The following HELZ variants were observed in gnomAD, a reference collection of about 807,000 sequenced individuals.
The protein encoded by HELZ is ATP-dependent RNA helicase with zinc finger domain.
A neutral mutation model predicts 218.2 loss-of-function variants in HELZ; 23 were observed. The ratio of observed to expected loss-of-function variants is 0.11; its 90% CI spans 0.08 to 0.15. The LOEUF is 0.15. Ranked by LOEUF, HELZ falls within the 10% of genes least tolerant of loss-of-function variation. HELZ has a pLI of 1.00. For missense variants in HELZ, 1,813 were observed against 2,353.7 expected, an observed-to-expected ratio of 0.77 and a Z score of 4.75; for synonymous variants, 814 against 829.4, an observed-to-expected ratio of 0.98 and a Z score of 0.32.
At chr17:67,218,086 T>C (rs35151696) in intron 4 of HELZ, among the ~76,000 whole-genome samples, 41,893 of 151,770 alleles carry the variant, frequency 0.28, 7,355 homozygotes, top group East Asian at 0.68. Flanking sequence ...AGGCACGCGC[T>C]ACCACGCCTG....
At chr17:67,161,661 CAAAAT>C (rs2144116701) in intron 15 of HELZ, among the ~76,000 whole-genome samples, 1 of 152,210 alleles carries the variant, frequency 6.6e-6, no homozygotes, top group Non-Finnish European at 1.5e-5. Context: ...AAAAGCCAAA[CAAAAT>C]AAAATGTTTT....
chr17:67,236,006 C>T (rs538914459), intron 3 of HELZ, among the ~76,000 whole-genome samples: 99 of 152,128 alleles, frequency 6.5e-4, no homozygotes, highest in Non-Finnish European at 1.2e-3. Context: ...CTGATCCGCC[C>T]GCCTTGGCCT....
intron 32 of HELZ, among the ~76,000 whole-genome samples, chr17:67,085,108 AAAAC>A (rs1006166074): frequency 6.6e-5 from 10 of 152,154 alleles, no homozygotes; most frequent in East Asian, 1.9e-4. Context: ...CTCTGTCTCA[AAAAC>A]AAACAAACAA....
Position 67,151,244 on chromosome 17 carries a change from TTC to T in HELZ, c.2178-22_2178-21del. Reference sequence around the variant, plus strand: ...TATACCCTGGAAAAGAAGAAAATATTTCTGATTTACATTTACTAATTTCTTAA... The same window carrying T: ...TATACCCTGGAAAAGAAGAAAATATTTGATTTACATTTACTAATTTCTTAA... On this transcript the variant is annotated intron_variant, in intron 17 of 32. Transcript: ENST00000358691. 1.9e-6 allele frequency: 3 copies of T among 1,578,758 alleles called. No homozygotes were observed. The highest frequency in any genetic ancestry group is 2.6e-6 in the Non-Finnish European group (3 of 1,154,314).
intron 3 of HELZ, among the ~76,000 whole-genome samples, chr17:67,222,387 CAAT>C (rs2143339873): frequency 6.6e-6 from 1 of 152,282 alleles, no homozygotes; most frequent in Admixed American, 6.5e-5. Flanking sequence ...TTAATATCAA[CAAT>C]GATTCCCAAA....
intron 3 of HELZ, among the ~76,000 whole-genome samples, chr17:67,236,757 AATTT>A (rs1176265499): frequency 6.6e-6 from 1 of 152,196 alleles, no homozygotes; most frequent in Admixed American, 6.5e-5. Context: ...AACATTTAAC[AATTT>A]ATTTATTATC....
Position 67,107,853 on chromosome 17 carries a change from G to A in HELZ, c.4725-168C>T, listed in dbSNP as rs571582506. 2.0e-5 allele frequency among the ~76,000 whole-genome samples: 3 copies of A among 152,304 alleles called. No individual in the cohort carries two copies. The South Asian group carries it at 6.2e-4, about 32-fold the overall frequency. On this transcript the variant is annotated intron_variant, in intron 30 of 32. Coordinates refer to ENST00000358691, the MANE Select transcript of HELZ (RefSeq NM_014877.4). ...GCATTAACACTCAATAGATGCTGAG[G>A]TGAAGAAATTAAATATGCTCAATTA...
chr17:67,127,891 T>C (rs2037852518), intron 24 of HELZ, among the ~76,000 whole-genome samples: 1 of 151,392 alleles, frequency 6.6e-6, no homozygotes, highest in Non-Finnish European at 1.5e-5. Flanking sequence ...AAAACTGACA[T>C]ACTCTTTTAA....
intron 3 of HELZ, among the ~76,000 whole-genome samples, chr17:67,237,143 C>A (rs2041205234): frequency 6.6e-6 from 1 of 152,074 alleles, no homozygotes; most frequent in Non-Finnish European, 1.5e-5. Context: ...AATTCGAGAC[C>A]AGTCTGACCA....
At chr17:67,126,338 C>T (rs190362062) in intron 24 of HELZ, among the ~76,000 whole-genome samples, 2 of 152,194 alleles carry the variant, frequency 1.3e-5, no homozygotes, top group East Asian at 3.9e-4. Context: ...ACTATGGGTA[C>T]TGTGTAGTAT....
intron 12 of HELZ, among the ~76,000 whole-genome samples, chr17:67,187,370 C>T (rs1201068677): frequency 1.3e-5 from 2 of 152,082 alleles, no homozygotes; most frequent in African/African-American, 4.8e-5. Flanking sequence ...TGGGCACCAT[C>T]GTTGTTTCAA....
At chr17:67,098,578 A>G (rs1190326322) in intron 31 of HELZ, among the ~76,000 whole-genome samples, 3 of 151,492 alleles carry the variant, frequency 2.0e-5, no homozygotes, top group Admixed American at 1.3e-4. Context: ...CTACTAAAAA[A>G]AAAAAAAAAA....
intron 32 of HELZ, among the ~76,000 whole-genome samples, chr17:67,081,866 G>A (rs993780524): frequency 1.3e-5 from 2 of 152,130 alleles, no homozygotes; most frequent in Non-Finnish European, 2.9e-5. Flanking sequence ...AGATTACTTT[G>A]GAAACCAAAA....
intron 3 of HELZ, among the ~76,000 whole-genome samples, chr17:67,237,284 C>A (rs1031282526): frequency 6.6e-6 from 1 of 151,416 alleles, no homozygotes; most frequent in South Asian, 2.1e-4. Context: ...GACTCTGTCT[C>A]GAAAAAAAAC....
At chr17:67,123,405 T>C (rs964343447) in intron 25 of HELZ, among the ~76,000 whole-genome samples, 1 of 152,270 alleles carries the variant, frequency 6.6e-6, no homozygotes, top group Admixed American at 6.5e-5. Context: ...TTTAAATATT[T>C]TCTGAGGAAC....
chr17:67,234,316 A>G (rs1459086451), intron 3 of HELZ, among the ~76,000 whole-genome samples: 8 of 145,790 alleles, frequency 5.5e-5, no homozygotes, highest in African/African-American at 2.2e-4. Flanking sequence ...AAAGAAAGAA[A>G]AAAGAAAAAA....
At chr17:67,114,106 G>A (rs2037361740) in intron 28 of HELZ, among the ~76,000 whole-genome samples, 1 of 152,022 alleles carries the variant, frequency 6.6e-6, no homozygotes, top group Non-Finnish European at 1.5e-5. Context: ...TTTTATCACT[G>A]AATAACAGAA....
At chr17:67,161,733 G>A (rs1449114938) in intron 15 of HELZ, among the ~76,000 whole-genome samples, 2 of 152,262 alleles carry the variant, frequency 1.3e-5, no homozygotes, top group African/African-American at 4.8e-5. Context: ...TCAAAGTAGA[G>A]AACACCTGTC....
chr17:67,086,150 C>A (rs997288847), intron 32 of HELZ, among the ~76,000 whole-genome samples: 1 of 152,032 alleles, frequency 6.6e-6, no homozygotes, highest in Admixed American at 6.6e-5. Flanking sequence ...AGGAAAAAAA[C>A]CAAAAAGCAG....
Sources: allele counts gnomAD v4.1 joint callset (sites outside exome capture counted in the v4.1 genomes callset), GRCh38; gene constraint gnomAD v4.1.1; transcripts MANE v1.5; gene names NCBI Gene and HGNC (gene_info 2026-07-23, HGNC 2026-07-21).